The following ZSCAN5C variants were observed in gnomAD, a reference collection of about 807,000 sequenced individuals.
ZSCAN5C encodes zinc finger and SCAN domain-containing protein 5C.
ZSCAN5C carries 11 observed loss-of-function variants against 17.3 expected under a neutral mutation model. The ratio of observed to expected loss-of-function variants is 0.64; its 90% confidence interval spans 0.40 to 1.06. ZSCAN5C has a LOEUF of 1.06. Ranked by LOEUF, ZSCAN5C falls within the 50% of genes least tolerant of loss-of-function variation. ZSCAN5C has a pLI of 0.00. For missense variants in ZSCAN5C, 698 were observed against 538.9 expected (o/e 1.30, Z -2.92); for synonymous variants, 229 against 208.4 (o/e 1.10, Z -0.85).
At chr19:56,206,365 A>G (rs2032921695) in intron 2 of ZSCAN5C, 68 bp downstream of exon 2, 1 of 1,418,636 alleles carries the variant, frequency 7.0e-7, no homozygotes. Context: ...GTGCAGCTGG[A>G]CTCGAGAGGA....
At chr19:56,204,594 C>T (rs922489177) in intron 1 of ZSCAN5C, among the ~76,000 whole-genome samples, 1 of 151,702 alleles carries the variant, frequency 6.6e-6, no homozygotes, top group Non-Finnish European at 1.5e-5. Context: ...TTATGTTTTG[C>T]ACAGGAGCCC....
chr19:56,204,877 C>A lies in ZSCAN5C; in HGVS notation c.-127-910C>A, dbSNP rs546730010. Among the ~76,000 whole-genome samples the A allele has an allele frequency of 3.3e-4, 50 of 152,046 alleles. 2 individuals are homozygous for A. The South Asian group carries it at 1.0e-2, about 30-fold the overall frequency. ...TGTTGAACTTGGGTGATAATTGATG[C>A]CTGGAGAGTATTACTCAGTGGCTCT... On this transcript the variant is annotated intron_variant, in intron 1 of 4. Transcript: ENST00000534327.
chr19:56,209,140 C>T (rs762344882), exon 5 of ZSCAN5C: 6 of 1,466,154 alleles, frequency 4.1e-6, no homozygotes, highest in African/African-American at 1.4e-5. Flanking sequence ...CAAGAGCCTT[C>T]GGTCGGCCGG....
chr19:56,206,798 G>A (rs1033735981), intron 2 of ZSCAN5C, among the ~76,000 whole-genome samples: 1 of 101,794 alleles, frequency 9.8e-6, no homozygotes. Flanking sequence ...ACATGAGCCC[G>A]CCATCAGCCA....
chr19:56,203,728 C>A (rs1172636170), intron 1 of ZSCAN5C, among the ~76,000 whole-genome samples: 1 of 148,308 alleles, frequency 6.7e-6, no homozygotes, highest in African/African-American at 2.5e-5. Flanking sequence ...CTGTTCACCA[C>A]AACCTCTGGC....
At chr19:56,202,564 T>C (rs747546589) in intron 1 of ZSCAN5C, among the ~76,000 whole-genome samples, 3 of 151,940 alleles carry the variant, frequency 2.0e-5, no homozygotes, top group Non-Finnish European at 2.9e-5. Context: ...AGGAATAATA[T>C]TAACTTTCTC....
chr19:56,206,443 G>A (rs187348175), intron 2 of ZSCAN5C, 146 bp downstream of exon 2: 59 of 1,297,706 alleles, frequency 4.5e-5, no homozygotes, highest in Non-Finnish European at 5.9e-5. Context: ...ACACATGGCA[G>A]TGTCTGGGGA....
chr19:56,203,640 A>ATTTTTTT (rs564406569), intron 1 of ZSCAN5C, among the ~76,000 whole-genome samples: 8 of 86,830 alleles, frequency 9.2e-5, no homozygotes, highest in Non-Finnish European at 1.5e-4. Context: ...TCTACTGGGA[A>ATTTTTTT]TTTTTTTTTT....
In ZSCAN5C at chr19:56,206,094, G is replaced by A. The variant is rs1487044647; in HGVS notation, c.181G>A (p.Ala61Thr). ...CCCGAAGGAGTCGGACCCCATCCAG[G>A]CTCTGAGGAAACTCACTGAGCTGTG... Residue 61 changes from alanine (A) to threonine (T), a missense_variant, in exon 2 of 5, where the codon GCT becomes ACT. Physicochemically the swap from Ala to Thr is moderately conservative, Grantham distance 58. This residue lies in a region of ZSCAN5C where 100 missense variants were observed against 74.6 expected (regional missense o/e 1.34). Transcript: ENST00000534327. The A allele has an allele frequency of 2.5e-6, 4 of 1,609,394 alleles. No individual in the cohort carries two copies. In the Admixed American group the frequency reaches 6.7e-5, roughly 27 times the overall value.
At chr19:56,207,455 C>G (rs981588779) in intron 3 of ZSCAN5C, among the ~76,000 whole-genome samples, 193 bp downstream of exon 3, 3 of 147,696 alleles carry the variant, frequency 2.0e-5, no homozygotes, top group Middle Eastern at 3.2e-3. Context: ...TTCTCTCCAC[C>G]ATGAGAGCTT....
At position 56,208,850 on chromosome 19, in the gene ZSCAN5C, G is replaced by T; in HGVS notation, c.1141G>T (p.Glu381Ter). ...CGTCCACACGAGATCACACACAGGC[G>T]AGAGACTCTTTCAGTGTAATCTCTG... Residue 381 changes from glutamate to a stop codon, truncating the protein, a stop_gained, in exon 5 of 5, where the codon GAG (glutamate) becomes TAG (stop). Coordinates refer to ENST00000534327, the Ensembl canonical transcript of ZSCAN5C. LOFTEE classifies it low-confidence loss of function (END_TRUNC). 1.3e-6 allele frequency: 2 copies of T among 1,563,516 alleles called. No individual in the cohort carries two copies. The highest frequency in any genetic ancestry group is 1.8e-6 in the Non-Finnish European group (2 of 1,136,068).
chr19:56,204,450 C>T (rs566480732), intron 1 of ZSCAN5C, among the ~76,000 whole-genome samples: 84 of 151,636 alleles, frequency 5.5e-4, no homozygotes, highest in African/African-American at 2.0e-3. Context: ...TTTGCATGTC[C>T]CTGATGATGA....
chr19:56,205,784 C>A lies in ZSCAN5C; in HGVS notation c.-127-3C>A. 2 of 582,702 alleles carry A rather than the reference C, an allele frequency of 3.4e-6. No individual in the cohort carries two copies. Among genetic ancestry groups the A allele is most frequent in the South Asian group, 4.5e-5 (2 of 44,662 alleles). The allele number at this position is 582,702 out of a possible 1,614,324, so 36.1% of individuals were successfully genotyped here. ...ACAGAGCTCATGCTTTTTTTCCCTG[C>A]AGACTTCTGAATGAACAGTGAATCT... On this transcript the variant is annotated splice_polypyrimidine_tract_variant and splice_region_variant and intron_variant, in intron 1 of 4. Transcript: ENST00000534327.
chr19:56,207,238 G>A (rs565430118), exon 3 of ZSCAN5C: 18 of 779,148 alleles, frequency 2.3e-5, no homozygotes, highest in South Asian at 2.0e-4. Flanking sequence ...CCCTGCCCAG[G>A]GTCCCTGCAC....
intron 1 of ZSCAN5C, among the ~76,000 whole-genome samples, chr19:56,203,711 G>A (rs907699347): frequency 3.4e-5 from 5 of 146,570 alleles, no homozygotes; most frequent in Middle Eastern, 3.5e-3. Context: ...GTGCAATGGC[G>A]CGATCTCTGT....
chr19:56,208,721 C>T (rs752153895), exon 5 of ZSCAN5C: 2 of 1,612,264 alleles, frequency 1.2e-6, no homozygotes, highest in African/African-American at 2.7e-5. Context: ...TTCCCCAGGC[C>T]CTGCGGGCCC....
At chr19:56,205,182 C>T (rs1451065570) in intron 1 of ZSCAN5C, among the ~76,000 whole-genome samples, 1 of 151,690 alleles carries the variant, frequency 6.6e-6, no homozygotes, top group Non-Finnish European at 1.5e-5. Flanking sequence ...CAACATGGTG[C>T]ATGTCTTAGT....
chr19:56,205,871 G>T (rs1284426665), exon 2 of ZSCAN5C: 2 of 862,350 alleles, frequency 2.3e-6, no homozygotes, highest in Admixed American at 1.9e-5. Context: ...CCGGCTTCTG[G>T]AAGAGCTTTC....
At chr19:56,208,299 C>G (rs1407032366) in intron 4 of ZSCAN5C, 115 bp downstream of exon 4, 2 of 678,372 alleles carry the variant, frequency 2.9e-6, no homozygotes, top group African/African-American at 3.6e-5. Context: ...CAAAGCCTCT[C>G]CATCCCTTAC....
Sources: gnomAD v4.1 joint callset for allele counts (sites outside exome capture counted in the v4.1 genomes callset) on GRCh38, gnomAD v4.1.1 for gene constraint, gnomAD v4.1.1 regional missense constraint, MANE v1.5 for transcripts, NCBI Gene and HGNC (gene_info 2026-07-23, HGNC 2026-07-21) for gene names.